NOL4L: variants seen among roughly 807,000 people sequenced by gnomAD.
NOL4L encodes the protein nucleolar protein 4 like.
NOL4L carries 7 observed loss-of-function variants against 64.5 expected under a neutral mutation model. The ratio of observed to expected loss-of-function variants is 0.11; its 90% CI spans 0.06 to 0.20. The LOEUF (loss-of-function observed/expected upper bound fraction) is 0.20, where lower values mean the gene tolerates loss of function less well. Among genes scored for constraint, NOL4L ranks in the 10% least tolerant of loss-of-function variants. The pLI, the probability that NOL4L is intolerant of heterozygous loss-of-function variation, is 1.00. For missense variants in NOL4L, 680 were observed against 967.1 expected (o/e 0.70, Z 3.94); for synonymous variants, 413 against 401.0 (o/e 1.03, Z -0.36).
intron 1 of NOL4L, among the ~76,000 whole-genome samples, chr20:32,543,535 CT>C (rs1416743174): frequency 1.3e-5 from 2 of 152,024 alleles, no homozygotes; most frequent in African/African-American, 4.8e-5. Context: ...AGGAGAATCG[CT>C]TGAACCCAGG....
chr20:32,482,088 C>T (rs2015762749), intron 4 of NOL4L, among the ~76,000 whole-genome samples: 1 of 152,048 alleles, frequency 6.6e-6, no homozygotes, highest in Admixed American at 6.5e-5. Flanking sequence ...AGAGTCCAAA[C>T]ACCATTTCAG....
intron 1 of NOL4L, among the ~76,000 whole-genome samples, chr20:32,546,214 G>T (rs963328640): frequency 6.6e-6 from 1 of 152,116 alleles, no homozygotes; most frequent in Admixed American, 6.5e-5. Context: ...CCAAAGTGCT[G>T]GGATTACAGG....
chr20:32,460,325 G>A lies in NOL4L; in HGVS notation c.842-3930C>T, dbSNP rs1006818227. ...CCTACTCAGAGGGACAACATGGATCGCGAAAGCCTGCCTTCCCCAGTGACA... is the reference window on the plus strand; with the variant it reads ...CCTACTCAGAGGGACAACATGGATCACGAAAGCCTGCCTTCCCCAGTGACA... On this transcript the variant is annotated intron_variant, in intron 5 of 10. Transcript: ENST00000621426. This position sits in a 1 kb window ranked among gnomAD's most constrained non-coding sequence, Gnocchi z 5.7. Among the ~76,000 whole-genome samples, 4 of 152,110 alleles carry A rather than the reference G, an allele frequency of 2.6e-5. No homozygotes were observed. Among genetic ancestry groups the A allele is most frequent in the South Asian group, 2.1e-4 (1 of 4,834 alleles).
intron 4 of NOL4L, chr20:32,483,331 C>G (rs2015867572): frequency 1.0e-6 from 1 of 981,210 alleles, no homozygotes; most frequent in Non-Finnish European, 1.2e-6. Flanking sequence ...GGAAACGGCC[C>G]GATCGCCGGG....
At chr20:32,499,308 T>C (rs1381289791) in intron 4 of NOL4L, among the ~76,000 whole-genome samples, 1 of 152,218 alleles carries the variant, frequency 6.6e-6, no homozygotes, top group African/African-American at 2.4e-5. Flanking sequence ...TGGTTCTCAG[T>C]CCACCTCTGT....
intron 4 of NOL4L, among the ~76,000 whole-genome samples, chr20:32,482,514 C>T (rs938601517): frequency 3.9e-5 from 6 of 152,148 alleles, no homozygotes; most frequent in African/African-American, 1.4e-4. Flanking sequence ...TCCAAAGTGT[C>T]CAGCCTTGAA....
intron 2 of NOL4L, among the ~76,000 whole-genome samples, chr20:32,524,989 C>T (rs1333027908): frequency 6.6e-6 from 1 of 152,244 alleles, no homozygotes; most frequent in Non-Finnish European, 1.5e-5. Context: ...TCAGCTCAGC[C>T]TTGGCCCTGC....
chr20:32,567,292 C>T (rs944739541), intron 1 of NOL4L, among the ~76,000 whole-genome samples: 2 of 152,208 alleles, frequency 1.3e-5, no homozygotes, highest in African/African-American at 4.8e-5. Context: ...CATCCCGGTT[C>T]CCAGAGGCAA....
intron 1 of NOL4L, chr20:32,573,693 G>T: frequency 5.2e-6 from 1 of 192,048 alleles, no homozygotes; most frequent in South Asian, 9.5e-5. Flanking sequence ...GCAGTAAGCG[G>T]CAGAACCTGG....
Position 32,444,692 on chromosome 20 carries a change from C to CAAAG in NOL4L, c.*2900_*2903dup, listed in dbSNP as rs1281223356. The CAAAG allele has an allele frequency of 2.0e-5, 3 of 152,210 alleles. No homozygotes were observed. Among genetic ancestry groups the CAAAG allele is most frequent in the Non-Finnish European group, 2.9e-5 (2 of 68,040 alleles). The allele number at this position is 152,210 out of a possible 1,614,324, so 9.4% of individuals were successfully genotyped here. A position where few individuals can be genotyped will look rare whatever the true frequency, so the allele number is the denominator to read the frequency against. ...CCCTTCTTGTGGGATTAGCCTCCTG[C>CAAAG]AAAGACTCTGGAATTGGAGTATCCT... On this transcript the variant is annotated 3_prime_UTR_variant, in exon 11 of 11. Transcript: ENST00000621426.
chr20:32,578,105 G>C (rs1197183362), intron 1 of NOL4L, among the ~76,000 whole-genome samples: 3 of 87,730 alleles, frequency 3.4e-5, no homozygotes, highest in African/African-American at 4.7e-5. Flanking sequence ...AAAAGAAAGA[G>C]AGAAAGGAAG....
At chr20:32,511,478 AAGCCCTTTC>A (rs1248756384) in intron 3 of NOL4L, 22 bp from the exon 4 acceptor site, 12 of 1,506,850 alleles carry the variant, frequency 8.0e-6, no homozygotes, top group Non-Finnish European at 1.1e-5. Flanking sequence ...AACAAAAGGA[AAGCCCTTTC>A]AGTCTGTGCT....
chr20:32,487,358 G>A (rs2145507751), intron 4 of NOL4L, among the ~76,000 whole-genome samples: 1 of 151,990 alleles, frequency 6.6e-6, no homozygotes, highest in Middle Eastern at 3.4e-3. Flanking sequence ...GTGGACAAGG[G>A]GTGGGGGAGA....
intron 5 of NOL4L, among the ~76,000 whole-genome samples, chr20:32,467,278 G>A (rs2014636930): frequency 6.6e-6 from 1 of 152,118 alleles, no homozygotes; most frequent in South Asian, 2.1e-4. Context: ...GGATGGGTCT[G>A]GCATTTGCCA....
At chr20:32,449,691 T>G (rs2012678369) in intron 10 of NOL4L, 2 of 152,332 alleles carry the variant, frequency 1.3e-5, no homozygotes, top group African/African-American at 4.8e-5. Flanking sequence ...GGTGACTGAC[T>G]CCCAGGGTGT....
chr20:32,485,620 C>A (rs540314414), intron 4 of NOL4L: 2 of 387,372 alleles, frequency 5.2e-6, no homozygotes, highest in African/African-American at 4.2e-5. Context: ...ATCTTCTCAT[C>A]CTTGGTGATG....
chr20:32,579,286 CATAG>C (rs1454254383), intron 1 of NOL4L, among the ~76,000 whole-genome samples: 4 of 152,216 alleles, frequency 2.6e-5, no homozygotes, highest in Admixed American at 6.5e-5. Context: ...CCAGCCTGCA[CATAG>C]ATAGGAACAG....
At chr20:32,462,903 TAAAAAAAA>T (rs564168973) in intron 5 of NOL4L, among the ~76,000 whole-genome samples, 1 of 76,668 alleles carries the variant, frequency 1.3e-5, no homozygotes, top group African/African-American at 4.8e-5. Flanking sequence ...GACTCTGTCT[TAAAAAAAA>T]AAAAAAAAAA....
intron 4 of NOL4L, among the ~76,000 whole-genome samples, chr20:32,496,557 CTT>C (rs879559445): frequency 2.8e-5 from 4 of 144,756 alleles, no homozygotes; most frequent in Non-Finnish European, 1.5e-5. Context: ...TTCTTTCTTT[CTT>C]TTTTTTTTTT....
Sources: gnomAD v4.1 joint callset for allele counts (sites outside exome capture counted in the v4.1 genomes callset) on GRCh38, gnomAD v4.1.1 for gene constraint, Gnocchi (gnomAD v3.1) non-coding constraint, MANE v1.5 for transcripts, NCBI Gene and HGNC (gene_info 2026-07-23, HGNC 2026-07-21) for gene names.